Variants in KIF15 observed in about 807,000 individuals in gnomAD.
The protein encoded by KIF15 is kinesin-like protein KIF15.
A neutral mutation model predicts 190.6 loss-of-function variants in KIF15; 140 were observed. The ratio of observed to expected loss-of-function variants is 0.73; its 90% CI spans 0.64 to 0.84. The LOEUF (loss-of-function observed/expected upper bound fraction) is 0.84. Ranked by LOEUF, KIF15 falls within the 40% of genes least tolerant of loss-of-function variation. KIF15 has a pLI of 0.00. For missense variants in KIF15, 1,372 were observed against 1,584.4 expected (o/e 0.87, Z 2.28); for synonymous variants, 528 against 551.3 (o/e 0.96, Z 0.59).
At chr3:44,827,577 A>G in intron 23 of KIF15, 49 bp downstream of exon 23, 1 of 1,160,178 alleles carries the variant, frequency 8.6e-7, no homozygotes, top group Non-Finnish European at 1.3e-6. Context: ...TATAACTTTT[A>G]TTCCTGATAC....
intron 8 of KIF15, 96 bp from the exon 9 acceptor site, chr3:44,797,455 C>A: frequency 7.7e-7 from 1 of 1,298,662 alleles, no homozygotes; most frequent in Non-Finnish European, 1.1e-6. Flanking sequence ...CTTGCCTTTT[C>A]ATCCAGAATT....
At chr3:44,764,907 G>A (rs1043913358) in intron 1 of KIF15, among the ~76,000 whole-genome samples, 2 of 152,186 alleles carry the variant, frequency 1.3e-5, no homozygotes, top group Non-Finnish European at 2.9e-5. Flanking sequence ...AAAGTGTTGG[G>A]ATCACAGGTG....
At chr3:44,818,761 A>G (rs1708137542) in intron 20 of KIF15, among the ~76,000 whole-genome samples, 1 of 152,196 alleles carries the variant, frequency 6.6e-6, no homozygotes, top group Non-Finnish European at 1.5e-5. Context: ...GCCTCATAAA[A>G]TGAGTTAGGG....
intron 22 of KIF15, chr3:44,826,978 A>T: frequency 2.2e-6 from 1 of 456,186 alleles, no homozygotes; most frequent in Non-Finnish European, 4.4e-6. Context: ...TCTTCCTATG[A>T]GGTCGCTTTT....
At chr3:44,868,633 A>C (rs568837442) in intron 6 of KIF15, among the ~76,000 whole-genome samples, 3 of 152,186 alleles carry the variant, frequency 2.0e-5, no homozygotes, top group African/African-American at 7.2e-5. Context: ...CACATTGATC[A>C]TGGACTTCCC....
At chr3:44,766,807 CT>C (rs766382105) in intron 1 of KIF15, among the ~76,000 whole-genome samples, 4,446 of 118,504 alleles carry the variant, frequency 0.038, 29 homozygotes, top group African/African-American at 0.041. Flanking sequence ...TTCTTTCTTT[CT>C]TTTTTTTTTT....
intron 24 of KIF15, among the ~76,000 whole-genome samples, chr3:44,829,755 G>T (rs1254084678): frequency 5.3e-5 from 7 of 133,312 alleles, no homozygotes; most frequent in Non-Finnish European, 1.1e-4. Flanking sequence ...ATATATTATA[G>T]ATGTATATAT....
At chr3:44,863,199 A>T (rs1439931028) in intron 6 of KIF15, 1 of 151,256 alleles carries the variant, frequency 6.6e-6, no homozygotes, top group East Asian at 2.0e-4. Context: ...CAAAAAATTG[A>T]ACACCCTGGT....
chr3:44,846,355 G>A (rs956705170), intron 30 of KIF15, among the ~76,000 whole-genome samples: 2 of 151,996 alleles, frequency 1.3e-5, no homozygotes, highest in Admixed American at 6.6e-5. Flanking sequence ...TTTAGTTTCT[G>A]TTCTGTGGAA....
intron 1 of KIF15, among the ~76,000 whole-genome samples, chr3:44,764,460 C>A (rs916986066): frequency 7.9e-5 from 12 of 151,946 alleles, no homozygotes; most frequent in Non-Finnish European, 1.8e-4. Context: ...GTGTAGTGTT[C>A]CATTATGTGA....
chr3:44,864,489 C>A, intron 6 of KIF15: 1 of 894,040 alleles, frequency 1.1e-6, no homozygotes, highest in Non-Finnish European at 1.7e-6. Context: ...GATGAGTGCT[C>A]TATTCATGGA....
intron 10 of KIF15, among the ~76,000 whole-genome samples, chr3:44,798,515 G>A (rs1459099176): frequency 1.3e-5 from 2 of 152,004 alleles, no homozygotes; most frequent in African/African-American, 4.8e-5. Context: ...ATTTCACCGT[G>A]TTAGCCAGGA....
At chr3:44,847,418 T>C (rs746182801) in intron 30 of KIF15, among the ~76,000 whole-genome samples, 29 of 152,340 alleles carry the variant, frequency 1.9e-4, no homozygotes, top group Non-Finnish European at 3.4e-4. Flanking sequence ...CTTTATATAT[T>C]GGAACATTCC....
At chr3:44,800,630 G>A (rs1395669828) in intron 11 of KIF15, among the ~76,000 whole-genome samples, 193 bp downstream of exon 11, 1 of 152,086 alleles carries the variant, frequency 6.6e-6, no homozygotes, top group East Asian at 1.9e-4. Flanking sequence ...AGTGAGAAGG[G>A]GGAATTAAAA....
intron 7 of KIF15, among the ~76,000 whole-genome samples, chr3:44,792,382 G>A (rs1706748852): frequency 6.6e-6 from 1 of 151,942 alleles, no homozygotes; most frequent in African/African-American, 2.4e-5. Context: ...GCTGAGGTGG[G>A]AGGATCATTT....
intron 5 of KIF15, among the ~76,000 whole-genome samples, chr3:44,781,126 A>G (rs1471862629): frequency 6.6e-6 from 1 of 152,216 alleles, no homozygotes; most frequent in Non-Finnish European, 1.5e-5. Context: ...TTCCAGCTCA[A>G]TGCCTGGCAC....
chr3:44,801,435 T>C lies in KIF15; in HGVS notation c.1223-15T>C. 2 of 1,457,780 alleles carry C rather than the reference T, an allele frequency of 1.4e-6. No individual in the cohort carries two copies. Among genetic ancestry groups the C allele is most frequent in the South Asian group, 2.4e-5 (2 of 83,572 alleles). The allele number at this position is 1,457,780 out of a possible 1,614,324, so 90.3% of individuals were successfully genotyped here. ...ATTTTTTTTCATCTTCCCTTTCTTATTGGATCAATTACAGACAAAAAGAAG... is the reference window on the plus strand; with the variant it reads ...ATTTTTTTTCATCTTCCCTTTCTTACTGGATCAATTACAGACAAAAAGAAG... On this transcript the variant is annotated splice_polypyrimidine_tract_variant and intron_variant, in intron 11 of 34. Transcript: ENST00000326047.
At chr3:44,778,979 CAAA>C (rs60269306) in intron 4 of KIF15, among the ~76,000 whole-genome samples, 3 of 77,720 alleles carry the variant, frequency 3.9e-5, no homozygotes, top group Non-Finnish European at 7.1e-5. Context: ...GACTCCGCCT[CAAA>C]AAAAAAAAAA....
At chr3:44,856,354 G>A (rs1214561026), downstream of KIF15, among the ~76,000 whole-genome samples, 1 of 152,190 alleles carries the variant, frequency 6.6e-6, no homozygotes, top group African/African-American at 2.4e-5. Context: ...CAGAATAGCA[G>A]ATGGAACACT....
Sources: gnomAD v4.1 joint callset for allele counts (sites outside exome capture counted in the v4.1 genomes callset) on GRCh38, gnomAD v4.1.1 for gene constraint, MANE v1.5 for transcripts, NCBI Gene and HGNC (gene_info 2026-07-23, HGNC 2026-07-21) for gene names.